LRP1B: variants seen among roughly 807,000 people sequenced by gnomAD.
The protein encoded by LRP1B is low-density lipoprotein receptor-related protein 1B.
Under a neutral mutation model 556.6 loss-of-function variants are expected in LRP1B, and 217 were observed. That is an observed-to-expected ratio of 0.39 (90% CI 0.35 to 0.44). The LOEUF (loss-of-function observed/expected upper bound fraction) is 0.44. Ranked by LOEUF, LRP1B falls within the 20% of genes least tolerant of loss-of-function variation. LRP1B has a pLI of 1.00. For missense variants in LRP1B, 5,053 were observed against 5,620.8 expected (o/e 0.90, Z 3.23); for synonymous variants, 2,047 against 1,865.8 (o/e 1.10, Z -2.50).
At chr2:140,764,621 T>C (rs977462672) in intron 35 of LRP1B, among the ~76,000 whole-genome samples, 16 of 152,186 alleles carry the variant, frequency 1.1e-4, no homozygotes, top group Non-Finnish European at 2.1e-4. Context: ...CTTCAGTGTT[T>C]TTAAAATATG....
intron 37 of LRP1B, among the ~76,000 whole-genome samples, chr2:140,711,293 A>T (rs941530897): frequency 6.6e-6 from 1 of 152,008 alleles, no homozygotes; most frequent in African/African-American, 2.4e-5. Context: ...ATTTAATGAC[A>T]TAGAAACACC....
intron 62 of LRP1B, among the ~76,000 whole-genome samples, chr2:140,455,347 T>C (rs12990666): frequency 0.13 from 19,721 of 152,206 alleles, 1,441 homozygotes; most frequent in African/African-American, 0.17. Flanking sequence ...AACTTTTTAA[T>C]GTAAATTTCG....
At chr2:141,807,056 A>G (rs1448502928) in intron 2 of LRP1B, among the ~76,000 whole-genome samples, 15 of 152,110 alleles carry the variant, frequency 9.9e-5, no homozygotes, top group Admixed American at 9.8e-4. Context: ...CCTAAGAATC[A>G]GTCTCCAAGG....
At chr2:141,807,518 T>C (rs1696204034) in intron 2 of LRP1B, among the ~76,000 whole-genome samples, 1 of 152,118 alleles carries the variant, frequency 6.6e-6, no homozygotes, top group African/African-American at 2.4e-5. Context: ...TGAAGAAACA[T>C]TTTAATTTTG....
At chr2:140,887,185 A>G (rs1453379754) in intron 23 of LRP1B, among the ~76,000 whole-genome samples, 2 of 152,180 alleles carry the variant, frequency 1.3e-5, no homozygotes, top group African/African-American at 2.4e-5. Flanking sequence ...CAATATATCA[A>G]AAACAGGTAC....
At chr2:141,201,511 A>G (rs1487432979) in intron 6 of LRP1B, among the ~76,000 whole-genome samples, 3 of 152,148 alleles carry the variant, frequency 2.0e-5, no homozygotes, top group Non-Finnish European at 4.4e-5. Context: ...AATTACCTTG[A>G]CAACTTCTGT....
chr2:141,562,725 G>A lies in LRP1B; in HGVS notation c.206-82192C>T, dbSNP rs953119120. Among the ~76,000 whole-genome samples the A allele has an allele frequency of 3.3e-5, 5 of 152,028 alleles. No individual in the cohort carries two copies. The South Asian group carries it at 6.2e-4, about 19-fold the overall frequency. ...TGTTTAAATGGCTAGATGTATGAGC[G>A]TGCTTAAGAACCTAGGTCATAAGGA... On this transcript the variant is annotated intron_variant, in intron 2 of 90. Coordinates refer to ENST00000389484, the MANE Select transcript of LRP1B (RefSeq NM_018557.3).
At chr2:141,068,365 T>G (rs1187650573) in intron 7 of LRP1B, among the ~76,000 whole-genome samples, 4 of 151,724 alleles carry the variant, frequency 2.6e-5, no homozygotes, top group African/African-American at 9.7e-5. Flanking sequence ...CACAACAGAG[T>G]GCACAGCATT....
At chr2:141,466,903 CA>C (rs1363641692) in intron 3 of LRP1B, among the ~76,000 whole-genome samples, 1 of 149,870 alleles carries the variant, frequency 6.7e-6, no homozygotes, top group Non-Finnish European at 1.5e-5. Flanking sequence ...CCCAGCCAAA[CA>C]CAATTCCTGA....
chr2:140,297,493 T>A lies in LRP1B; in HGVS notation c.12967+315A>T, dbSNP rs1180195589. On this transcript the variant is annotated intron_variant, in intron 84 of 90. Transcript: ENST00000389484. ...CTATGGGATGTCAATTCAGGAGAGA[T>A]GGAGAATTGGATTTAACTATGGTTA... Among the ~76,000 whole-genome samples the A allele has an allele frequency of 3.3e-5, 5 of 151,956 alleles. No homozygotes were observed. The South Asian group carries it at 8.3e-4, about 25-fold the overall frequency.
rs890203559 is a variant in LRP1B, at chr2:140,537,200, TATATA to T, written c.7514-496_7514-492del. Among the ~76,000 whole-genome samples, 70 of 107,010 alleles carry T rather than the reference TATATA, an allele frequency of 6.5e-4. 1 individual carries two copies. The highest frequency in any genetic ancestry group is 2.3e-4 in the Non-Finnish European group (11 of 47,798). The allele number at this position is 107,010 out of a possible 152,430, so 70.2% of individuals were successfully genotyped here. A position where few individuals can be genotyped will look rare whatever the true frequency, so the allele number is the denominator to read the frequency against. On this transcript the variant is annotated intron_variant, in intron 45 of 90. Coordinates refer to ENST00000389484, the MANE Select transcript of LRP1B (RefSeq NM_018557.3). ...TAATAATTATTATTATATATAAGAA[TATATA>T]ATATAATATATAATAATAATATAAT...
intron 1 of LRP1B, among the ~76,000 whole-genome samples, chr2:141,960,506 C>T (rs886580171): frequency 9.9e-5 from 15 of 151,908 alleles, no homozygotes; most frequent in African/African-American, 3.1e-4. Flanking sequence ...TTACTATTTC[C>T]GACTTTTATA....
chr2:141,605,272 A>G (rs1687878228), intron 2 of LRP1B, among the ~76,000 whole-genome samples: 1 of 152,172 alleles, frequency 6.6e-6, no homozygotes, highest in Admixed American at 6.5e-5. Flanking sequence ...AAGAAAACAA[A>G]GAAGAATATT....
chr2:140,334,029 A>G (rs1240699985), intron 79 of LRP1B, among the ~76,000 whole-genome samples: 1 of 151,994 alleles, frequency 6.6e-6, no homozygotes, highest in Non-Finnish European at 1.5e-5. Flanking sequence ...ACAAAAAAAA[A>G]AACACCAAAC....
chr2:141,553,647 A>G (rs71417149), intron 2 of LRP1B, among the ~76,000 whole-genome samples: 3 of 145,918 alleles, frequency 2.1e-5, no homozygotes, highest in Non-Finnish European at 4.5e-5. Flanking sequence ...TTACATATAT[A>G]ATATATAATT....
intron 1 of LRP1B, among the ~76,000 whole-genome samples, chr2:141,810,919 A>G (rs1368801459): frequency 1.3e-5 from 2 of 151,948 alleles, no homozygotes; most frequent in Non-Finnish European, 2.9e-5. Context: ...CCAATATCAC[A>G]GTATTTTCTT....
intron 1 of LRP1B, among the ~76,000 whole-genome samples, chr2:142,021,853 A>G (rs2105177545): frequency 6.6e-6 from 1 of 152,260 alleles, no homozygotes; most frequent in African/African-American, 2.4e-5. Context: ...TTGCATAGGA[A>G]TGAAGAACAT....
intron 86 of LRP1B, among the ~76,000 whole-genome samples, chr2:140,262,037 A>C (rs1228700461): frequency 6.6e-6 from 1 of 152,026 alleles, no homozygotes; most frequent in Non-Finnish European, 1.5e-5. Context: ...TATATAGAGA[A>C]CCTTTACTAA....
intron 2 of LRP1B, among the ~76,000 whole-genome samples, chr2:141,801,452 C>A (rs1447734964): frequency 6.6e-6 from 1 of 152,012 alleles, no homozygotes; most frequent in East Asian, 1.9e-4. Flanking sequence ...CTGCACCTGG[C>A]CTGTTTTTTG....
Sources: allele counts gnomAD v4.1 joint callset (sites outside exome capture counted in the v4.1 genomes callset), GRCh38; gene constraint gnomAD v4.1.1; transcripts MANE v1.5; gene names NCBI Gene and HGNC (gene_info 2026-07-23, HGNC 2026-07-21).